FANCD2: variants seen among roughly 807,000 people sequenced by gnomAD.
FANCD2 encodes Fanconi anemia group D2 protein.
FANCD2 carries 131 observed loss-of-function variants against 192.3 expected under a neutral mutation model. That is an observed-to-expected ratio of 0.68 (90% confidence interval 0.59 to 0.79). FANCD2 has a LOEUF of 0.79. Ranked by LOEUF, FANCD2 falls within the 30% of genes least tolerant of loss-of-function variation. The pLI, the probability that FANCD2 is intolerant of heterozygous loss-of-function variation, is 0.00. For missense variants in FANCD2, 1,508 were observed against 1,701.6 expected, an observed-to-expected ratio of 0.89 and a Z score of 2.00; for synonymous variants, 524 against 612.5, an observed-to-expected ratio of 0.86 and a Z score of 2.13.
In FANCD2 at chr3:10,043,060, A is replaced by C; in HGVS notation, c.899A>C (p.Glu300Ala). The C allele has an allele frequency of 6.2e-7, 1 of 1,614,026 alleles. No homozygotes were observed. Among genetic ancestry groups the C allele is most frequent in the Non-Finnish European group, 8.5e-7 (1 of 1,179,962 alleles). Residue 300 changes from glutamate to alanine, a missense_variant, in exon 12 of 44, where the codon GAG becomes GCG. Glu to Ala is a moderately radical substitution (Grantham distance 107). This residue lies in a region of FANCD2 where 435 missense variants were observed against 421.9 expected (regional missense o/e 1.03). Coordinates refer to ENST00000675286, the MANE Select transcript of FANCD2 (RefSeq NM_001018115.3). The stretch of plus-strand genomic sequence containing the variant: ...ATTTACTTTCTGCAGGTAATTTCTG[A>C]GCTTCGGGAGAAGTTGGATCTGCAG... The part of the protein sequence containing the change: ...TAMDTLEVIS[E>A]LREKLDLQHC...
chr3:10,032,782 A>T, intron 2 of FANCD2, 50 bp from the exon 3 acceptor site: 1 of 1,513,752 alleles, frequency 6.6e-7, no homozygotes, highest in Non-Finnish European at 9.1e-7. Flanking sequence ...TTTAAGTTTT[A>T]ATTTTTCCTT....
rs1320825510 is a variant in FANCD2, at chr3:10,030,079, G to T, written c.64+1358G>T. Among the ~76,000 whole-genome samples, 4 of 145,742 alleles carry T rather than the reference G, an allele frequency of 2.7e-5. No individual in the cohort carries two copies. In the South Asian group the frequency reaches 8.6e-4, roughly 31 times the overall value. Reference sequence around the variant, plus strand: ...AAGGATTACAGGCTTGAGCCACCACGCCTGGCCCATTATATCATTTTTTTT... The same window carrying T: ...AAGGATTACAGGCTTGAGCCACCACTCCTGGCCCATTATATCATTTTTTTT... On this transcript the variant is annotated intron_variant, in intron 2 of 43. Transcript: ENST00000675286.
rs1022053051 is a variant in FANCD2 at position 10,049,371 on chromosome 3, T to C, written c.1414-3T>C. ...ACTGTTCTGTTGACTCTCCCCTGTATAGGAAGTGGTTGGTGCCTTAGTGAC... is the reference window on the plus strand; with the variant it reads ...ACTGTTCTGTTGACTCTCCCCTGTACAGGAAGTGGTTGGTGCCTTAGTGAC... On this transcript the variant is annotated splice_polypyrimidine_tract_variant and splice_region_variant and intron_variant, in intron 16 of 43. Transcript: ENST00000675286. 16 of 1,607,746 alleles carry C rather than the reference T, an allele frequency of 1.0e-5. No homozygotes were observed. Among genetic ancestry groups the C allele is most frequent in the Non-Finnish European group, 1.4e-5 (16 of 1,176,004 alleles).
intron 18 of FANCD2, among the ~76,000 whole-genome samples, chr3:10,054,337 A>ATATATATATATATACG (rs1298601384): frequency 4.8e-5 from 4 of 83,886 alleles, no homozygotes; most frequent in South Asian, 3.5e-4. Flanking sequence ...AACAACCAGC[A>ATATATATATATATACG]TATATATATA....
At chr3:10,060,610 G>A (rs923997574) in intron 19 of FANCD2, among the ~76,000 whole-genome samples, 3 of 152,148 alleles carry the variant, frequency 2.0e-5, no homozygotes, top group Non-Finnish European at 2.9e-5. Flanking sequence ...AGCCATTACA[G>A]TCTGTGGTTA....
chr3:10,046,052 A>ATTTTTTTTTTTT (rs1559377243), intron 14 of FANCD2, among the ~76,000 whole-genome samples: 24 of 114,486 alleles, frequency 2.1e-4, no homozygotes, highest in South Asian at 5.2e-4. Context: ...ATTGCTCTGT[A>ATTTTTTTTTTTT]TTCTTTTTTT....
At chr3:10,054,368 CGTGTATATACAT>C (rs1559383033) in intron 18 of FANCD2, among the ~76,000 whole-genome samples, 3 of 105,454 alleles carry the variant, frequency 2.8e-5, no homozygotes, top group African/African-American at 1.3e-4. Context: ...TATATATATA[CGTGTATATACAT>C]ATATATATGT....
chr3:10,055,892 T>G (rs1414838386), intron 18 of FANCD2, among the ~76,000 whole-genome samples: 1 of 152,190 alleles, frequency 6.6e-6, no homozygotes, highest in East Asian at 1.9e-4. Context: ...TTATTTTGTT[T>G]TGTTGAGATG....
At chr3:10,042,900 G>C in intron 11 of FANCD2, 150 bp from the exon 12 acceptor site, 1 of 787,754 alleles carries the variant, frequency 1.3e-6, no homozygotes, top group Non-Finnish European at 2.2e-6. Context: ...CATTGCATTG[G>C]CTATTCTCAT....
At chr3:10,078,597 G>A (rs574201767) in intron 30 of FANCD2, among the ~76,000 whole-genome samples, 34 of 150,968 alleles carry the variant, frequency 2.3e-4, no homozygotes, top group Middle Eastern at 3.4e-3. Flanking sequence ...CTTGTGATCC[G>A]CCCACCTTGG....
chr3:10,056,893 C>T (rs148932502), intron 18 of FANCD2, among the ~76,000 whole-genome samples: 1 of 152,214 alleles, frequency 6.6e-6, no homozygotes, highest in East Asian at 1.9e-4. Flanking sequence ...CTCACTCTGT[C>T]ACACACATTG....
chr3:10,044,399 A>G (rs139729777), intron 14 of FANCD2, among the ~76,000 whole-genome samples: 32,573 of 148,970 alleles, frequency 0.22, 4,705 homozygotes, highest in African/African-American at 0.41. Context: ...CGGGCGCGGT[A>G]GCTCACGCCT....
At chr3:10,060,179 A>C (rs2125026424) in intron 18 of FANCD2, 115 bp from the exon 19 acceptor site, 1 of 733,930 alleles carries the variant, frequency 1.4e-6, no homozygotes, top group Non-Finnish European at 2.3e-6. Context: ...AAAAAAAAAA[A>C]AAACAGTTAG....
At chr3:10,068,956 C>G (rs190982919) in intron 26 of FANCD2, among the ~76,000 whole-genome samples, 1 of 152,288 alleles carries the variant, frequency 6.6e-6, no homozygotes, top group Admixed American at 6.5e-5. Context: ...AAGAATGAAA[C>G]TAGACCCCTA....
chr3:10,057,124 G>T (rs1430111990), intron 18 of FANCD2, among the ~76,000 whole-genome samples: 5 of 152,152 alleles, frequency 3.3e-5, no homozygotes, highest in Non-Finnish European at 7.4e-5. Context: ...CCAAAGTGCT[G>T]GCATTACAGG....
At chr3:10,041,930 A>G (rs941690884) in intron 10 of FANCD2, among the ~76,000 whole-genome samples, 1 of 139,890 alleles carries the variant, frequency 7.1e-6, no homozygotes, top group African/African-American at 2.7e-5. Context: ...ACGGAGTATC[A>G]CTCTGTCACC....
chr3:10,054,537 G>A (rs2087349051), intron 18 of FANCD2, among the ~76,000 whole-genome samples: 1 of 120,126 alleles, frequency 8.3e-6, no homozygotes, highest in South Asian at 2.8e-4. Context: ...AGGCTGGAGT[G>A]CAGTGGCGCA....
At chr3:10,067,155 C>T in intron 25 of FANCD2, 54 bp from the exon 26 acceptor site, 2 of 1,140,888 alleles carry the variant, frequency 1.8e-6, no homozygotes, top group Non-Finnish European at 2.6e-6. Flanking sequence ...ATAATATAAA[C>T]AAGGTTAAAA....
In FANCD2 at chr3:10,087,258, A is replaced by G. The variant is rs1694263676; in HGVS notation, c.3460A>G (p.Lys1154Glu). ...KSTASAQNKEKIASLARQFLC... is the reference protein window; with the variant it reads ...KSTASAQNKEEIASLARQFLC... ...AACAGCTTCTGCTCAGAACAAAGAA[A>G]AAATTGGTGATGGGCCTAGATCCTT... The change falls in exon 34 of 44, where the codon AAA (lysine) becomes GAA (glutamate). Residue 1154 changes from lysine to glutamate, a missense_variant. This residue lies in a region of FANCD2 where 796 missense variants were observed against 879.4 expected (regional missense o/e 0.91). Coordinates refer to ENST00000675286, the MANE Select transcript of FANCD2 (RefSeq NM_001018115.3). The G allele has an allele frequency of 1.2e-6, 2 of 1,611,772 alleles. No homozygotes were observed. The highest frequency in any genetic ancestry group is 1.7e-6 in the Non-Finnish European group (2 of 1,179,090).
Sources: gnomAD v4.1 joint callset for allele counts (sites outside exome capture counted in the v4.1 genomes callset) on GRCh38, gnomAD v4.1.1 for gene constraint, gnomAD v4.1.1 regional missense constraint, MANE v1.5 for transcripts, NCBI Gene and HGNC (gene_info 2026-07-23, HGNC 2026-07-21) for gene names.